Variants in TRANK1 observed in about 807,000 individuals in gnomAD.
The protein encoded by TRANK1 is tetratricopeptide repeat and ankyrin repeat containing 1.
In TRANK1, 198 loss-of-function variants were observed where a neutral mutation model predicts 266.0. The ratio of observed to expected loss-of-function variants is 0.74; its 90% confidence interval spans 0.66 to 0.84. The LOEUF is 0.84. Among genes scored for constraint, TRANK1 ranks in the 40% least tolerant of loss-of-function variants. The pLI is 0.00. For synonymous variants in TRANK1, 1,396 were observed against 1,384.1 expected (o/e 1.01, Z -0.19); for missense variants, 3,326 against 3,634.6 (o/e 0.92, Z 2.18).
At chr3:36,848,730 C>T (rs2078947286) in intron 15 of TRANK1, among the ~76,000 whole-genome samples, 1 of 152,210 alleles carries the variant, frequency 6.6e-6, no homozygotes, top group South Asian at 2.1e-4. Flanking sequence ...AGGTTTAAAA[C>T]AATCTTCAGG....
chr3:36,857,272 C>T lies in TRANK1; in HGVS notation c.2450G>A (p.Trp817Ter), dbSNP rs956325749. The change falls in exon 13 of 24, where the codon TGG (tryptophan) becomes TAG (stop). Residue 817 changes from tryptophan (W) to a stop codon, truncating the protein, a stop_gained. Coordinates refer to ENST00000645898, the MANE Select transcript of TRANK1 (RefSeq NM_001329998.2). LOFTEE classifies it high-confidence loss of function. The surrounding 1 kb of genome is among the most constrained non-coding windows in gnomAD (Gnocchi z 4.3). ...GCAGGCCTCAATCTCCTGCGTGCTC[C>T]AGTCATCCTGATCATCATTGCCCTC... ...GKEGNDDQDD[W>*]STQEIEACLQ... 2 of 1,610,922 alleles carry T rather than the reference C, an allele frequency of 1.2e-6. No homozygotes were observed. The highest frequency in any genetic ancestry group is 8.5e-7 in the Non-Finnish European group (1 of 1,178,388).
rs539233792 is a variant in TRANK1 at position 36,840,749 on chromosome 3, C to T, written c.5280+1873G>A. On this transcript the variant is annotated intron_variant, in intron 18 of 23. Coordinates refer to ENST00000645898, the MANE Select transcript of TRANK1 (RefSeq NM_001329998.2). Reference sequence around the variant, plus strand: ...GGAACCCCAGTCACCCCTGTCCCCCCGGTCCCCTGAGCCAAGAGCCAGCCA... The same window carrying T: ...GGAACCCCAGTCACCCCTGTCCCCCTGGTCCCCTGAGCCAAGAGCCAGCCA... Among the ~76,000 whole-genome samples the T allele has an allele frequency of 6.4e-4, 98 of 152,318 alleles. 2 individuals carry two copies. Among genetic ancestry groups the T allele is most frequent in the East Asian group, 4.1e-3 (21 of 5,184 alleles).
intron 9 of TRANK1, among the ~76,000 whole-genome samples, chr3:36,869,296 TTA>T (rs2079271477): frequency 6.6e-6 from 1 of 152,200 alleles, no homozygotes; most frequent in Admixed American, 6.5e-5. Flanking sequence ...GCAAGACCCT[TTA>T]TTTCTCACCT....
At chr3:36,854,966 AC>A (rs1055095227) in intron 13 of TRANK1, among the ~76,000 whole-genome samples, 4 of 152,244 alleles carry the variant, frequency 2.6e-5, no homozygotes, top group African/African-American at 9.6e-5. Flanking sequence ...GTCAGTTGCC[AC>A]CCAACCACAG....
chr3:36,904,782 C>T (rs936674143), intron 2 of TRANK1, among the ~76,000 whole-genome samples: 1 of 152,060 alleles, frequency 6.6e-6, no homozygotes, highest in Non-Finnish European at 1.5e-5. Flanking sequence ...GGAGCAGTGA[C>T]CGCAAGTGTA....
At chr3:36,885,263 T>A (rs1045036036) in intron 8 of TRANK1, among the ~76,000 whole-genome samples, 15 of 152,214 alleles carry the variant, frequency 9.9e-5, no homozygotes, top group African/African-American at 3.6e-4. Flanking sequence ...TACGATTCAC[T>A]GAGGATACAA....
rs181002869 is a variant in TRANK1 at position 36,914,474 on chromosome 3, T to C, written c.24-6020A>G. On this transcript the variant is annotated intron_variant, in intron 1 of 23. Coordinates refer to ENST00000645898, the MANE Select transcript of TRANK1 (RefSeq NM_001329998.2). ...CCTTTTTTTTTTTTTTTTAAGTAAA[T>C]TTTATTGAGGTACAATTTACATATG... 5.5e-5 allele frequency among the ~76,000 whole-genome samples: 8 copies of C among 145,060 alleles called. 1 individual carries two copies. In the East Asian group the frequency reaches 1.6e-3, roughly 29 times the overall value.
chr3:36,933,057 T>A (rs993826696), intron 1 of TRANK1, among the ~76,000 whole-genome samples: 1 of 152,198 alleles, frequency 6.6e-6, no homozygotes, highest in Non-Finnish European at 1.5e-5. Flanking sequence ...TTGTTACATG[T>A]CCAGACATGC....
At chr3:36,842,522 G>T in intron 18 of TRANK1, 100 bp downstream of exon 18, 1 of 1,031,656 alleles carries the variant, frequency 9.7e-7, no homozygotes, top group Non-Finnish European at 1.5e-6. Flanking sequence ...GCACCATTAC[G>T]CTCATCCTTT....
chr3:36,830,057 A>C (rs2078673869), intron 22 of TRANK1, among the ~76,000 whole-genome samples: 1 of 152,186 alleles, frequency 6.6e-6, no homozygotes, highest in South Asian at 2.1e-4. Flanking sequence ...CCAAGGAACT[A>C]TAATCCCAGC....
chr3:36,830,526 T>C (rs374949931), intron 22 of TRANK1, among the ~76,000 whole-genome samples: 7 of 152,274 alleles, frequency 4.6e-5, no homozygotes, highest in Non-Finnish European at 1.0e-4. Context: ...CTGTATCTTC[T>C]CCACAGAAGA....
At chr3:36,881,526 T>C (rs9845747) in intron 8 of TRANK1, among the ~76,000 whole-genome samples, 8,628 of 152,004 alleles carry the variant, frequency 0.057, 782 homozygotes, top group African/African-American at 0.19. Flanking sequence ...GGCAGGAGAA[T>C]CGCTTGAACC....
chr3:36,861,830 C>G (rs1430843284), intron 10 of TRANK1, among the ~76,000 whole-genome samples: 1 of 151,576 alleles, frequency 6.6e-6, no homozygotes, highest in Admixed American at 6.6e-5. Flanking sequence ...CTCAGCCTCC[C>G]GAGTAGCTGG....
chr3:36,890,895 G>A (rs2079683432), intron 7 of TRANK1, among the ~76,000 whole-genome samples: 1 of 152,154 alleles, frequency 6.6e-6, no homozygotes, highest in Non-Finnish European at 1.5e-5. Context: ...TAACTTAAAA[G>A]TAGACACAAT....
At chr3:36,923,256 A>ATT (rs34869381) in intron 1 of TRANK1, among the ~76,000 whole-genome samples, 62,295 of 140,982 alleles carry the variant, frequency 0.44, 14,163 homozygotes, top group East Asian at 0.61. Flanking sequence ...GTCTTGGTAA[A>ATT]TTTTTTTTTT....
At position 36,828,388 on chromosome 3, in the gene TRANK1, A is replaced by AGAAGGAAGGAAG. The variant is rs61109537; in HGVS notation, c.8810-25_8810-14dup. On this transcript the variant is annotated splice_polypyrimidine_tract_variant and intron_variant, in intron 23 of 23. Transcript: ENST00000645898. ...TCCTGAACAATACCTGAAGAAAGAA[A>AGAAGGAAGGAAG]GAAGGAAGGAAGGAAGGAAGGAAAG... 26 of 1,013,806 alleles carry AGAAGGAAGGAAG rather than the reference A, an allele frequency of 2.6e-5. No homozygotes were observed. Among genetic ancestry groups the AGAAGGAAGGAAG allele is most frequent in the Non-Finnish European group, 3.0e-5 (21 of 697,210 alleles). 62.8% of individuals were successfully genotyped at this position (1,013,806 alleles called of 1,614,324 possible).
chr3:36,917,694 T>C (rs1349496426), intron 1 of TRANK1, among the ~76,000 whole-genome samples: 1 of 152,208 alleles, frequency 6.6e-6, no homozygotes, highest in African/African-American at 2.4e-5. Context: ...GCTACCTCTG[T>C]ATGTATTAAT....
chr3:36,913,835 T>C (rs2080087786), intron 1 of TRANK1, among the ~76,000 whole-genome samples: 1 of 150,666 alleles, frequency 6.6e-6, no homozygotes, highest in South Asian at 2.1e-4. Flanking sequence ...TGTCTCACCA[T>C]CCTGCCCCCG....
chr3:36,829,989 T>C (rs1304973097), intron 22 of TRANK1, among the ~76,000 whole-genome samples: 2 of 152,222 alleles, frequency 1.3e-5, no homozygotes, highest in African/African-American at 4.8e-5. Flanking sequence ...ATATGCAATT[T>C]CACTAAGTTT....
Sources: gnomAD v4.1 joint callset for allele counts (sites outside exome capture counted in the v4.1 genomes callset) on GRCh38, gnomAD v4.1.1 for gene constraint, Gnocchi (gnomAD v3.1) non-coding constraint, MANE v1.5 for transcripts, NCBI Gene and HGNC (gene_info 2026-07-23, HGNC 2026-07-21) for gene names.